Variants in ARHGEF10L observed in about 807,000 individuals in gnomAD.
ARHGEF10L encodes the protein Rho guanine nucleotide exchange factor 10 like.
A neutral mutation model predicts 141.2 loss-of-function variants in ARHGEF10L; 69 were observed. The ratio of observed to expected loss-of-function variants is 0.49; its 90% confidence interval spans 0.40 to 0.60. The LOEUF (loss-of-function observed/expected upper bound fraction) is 0.60. Among genes scored for constraint, ARHGEF10L ranks in the 20% least tolerant of loss-of-function variants. The probability of loss-of-function intolerance (pLI) is 0.00; values close to 1 mark genes in which losing one functional copy is unlikely to be tolerated. For synonymous variants in ARHGEF10L, 711 were observed against 718.5 expected (o/e 0.99, Z 0.17); for missense variants, 1,482 against 1,734.3 (o/e 0.85, Z 2.58).
chr1:17,646,997 A>T (rs1034938504), intron 21 of ARHGEF10L, among the ~76,000 whole-genome samples: 1 of 151,834 alleles, frequency 6.6e-6, no homozygotes, highest in Non-Finnish European at 1.5e-5. Flanking sequence ...CTGGCTGCCG[A>T]GCAAAGATGA....
intron 1 of ARHGEF10L, among the ~76,000 whole-genome samples, chr1:17,564,341 G>A (rs2077663668): frequency 6.6e-6 from 1 of 152,210 alleles, no homozygotes; most frequent in Non-Finnish European, 1.5e-5. Context: ...TGCTTTGAGA[G>A]GCTCTGTTAG....
At chr1:17,650,089 G>T (rs2061828399) in intron 22 of ARHGEF10L, among the ~76,000 whole-genome samples, 1 of 152,106 alleles carries the variant, frequency 6.6e-6, no homozygotes, top group Non-Finnish European at 1.5e-5. Flanking sequence ...CCTTCTGGCT[G>T]GTGTGTGAGA....
intron 26 of ARHGEF10L, among the ~76,000 whole-genome samples, chr1:17,670,533 T>C (rs935037503): frequency 2.6e-5 from 4 of 152,208 alleles, no homozygotes; most frequent in African/African-American, 9.6e-5. Context: ...AAAAAACTTA[T>C]TGGGAACAGG....
intron 4 of ARHGEF10L, among the ~76,000 whole-genome samples, chr1:17,590,174 C>A (rs889145360): frequency 6.6e-6 from 1 of 152,162 alleles, no homozygotes; most frequent in African/African-American, 2.4e-5. Flanking sequence ...AGGCGCTGGG[C>A]CACCGTGCTT....
chr1:17,550,944 C>A (rs1228304147), intron 1 of ARHGEF10L, among the ~76,000 whole-genome samples: 1 of 151,938 alleles, frequency 6.6e-6, no homozygotes, highest in African/African-American at 2.4e-5. Flanking sequence ...GAGGATCGGC[C>A]CCTGGTCCTC....
intron 4 of ARHGEF10L, among the ~76,000 whole-genome samples, chr1:17,588,929 G>T (rs866008467): frequency 7.3e-6 from 1 of 136,122 alleles, no homozygotes; most frequent in African/African-American, 2.7e-5. Context: ...GTTTGAGGGT[G>T]GGGGGGGTGC....
chr1:17,681,780 G>A (rs543335573), intron 26 of ARHGEF10L, among the ~76,000 whole-genome samples: 2 of 152,244 alleles, frequency 1.3e-5, no homozygotes, highest in African/African-American at 4.8e-5. Context: ...GTCACCTTTG[G>A]GTGATTCTTG....
In ARHGEF10L at chr1:17,656,210, T is replaced by G; in HGVS notation, c.2705+108T>G. 1 of 1,296,168 alleles carries G rather than the reference T, an allele frequency of 7.7e-7. No homozygotes were observed. Among genetic ancestry groups the G allele is most frequent in the Non-Finnish European group, 1.1e-6 (1 of 943,044 alleles). The allele number at this position is 1,296,168 out of a possible 1,614,324, so 80.3% of individuals were successfully genotyped here. On this transcript the variant is annotated intron_variant, in intron 24 of 28. Transcript: ENST00000361221. The surrounding 1 kb of genome is among the most constrained non-coding windows in gnomAD (Gnocchi z 4.9). ...CTGCCTGTTGCCCACCAACATTCTC[T>G]GCCCCTGGTCTCCAGGAAGGTGGGC...
rs34766409 is a variant in ARHGEF10L at position 17,552,571 on chromosome 1, GTTTTTTTTTTTTTTTT to G, written c.-44+12638_-44+12653del. 6.0e-4 allele frequency among the ~76,000 whole-genome samples: 27 copies of G among 44,932 alleles called. 1 individual carries two copies. Among genetic ancestry groups the G allele is most frequent in the African/African-American group, 2.8e-3 (24 of 8,572 alleles). The allele number at this position is 44,932 out of a possible 152,430, so 29.5% of individuals were successfully genotyped here. A position where few individuals can be genotyped will look rare whatever the true frequency, so the allele number is the denominator to read the frequency against. On this transcript the variant is annotated intron_variant, in intron 1 of 28. Transcript: ENST00000361221. ...ATGCTACCACAGCTGGCTAATTTTC[GTTTTTTTTTTTTTTTT>G]TTTTTTTTTTTTTTTTAGTAGATAC...
chr1:17,517,083 T>C, the ARHGEF10L span, among the ~76,000 whole-genome samples: 1 of 152,156 alleles, frequency 6.6e-6, no homozygotes, highest in East Asian at 1.9e-4. Flanking sequence ...CAACCAGGCA[T>C]GTGTTTACTC....
Position 17,592,441 on chromosome 1 carries a change from T to C in ARHGEF10L, c.257+3962T>C, listed in dbSNP as rs369173673. 5.3e-5 allele frequency among the ~76,000 whole-genome samples: 8 copies of C among 152,166 alleles called. 1 individual carries two copies. The highest frequency in any genetic ancestry group is 2.9e-5 in the Non-Finnish European group (2 of 67,994). ...ACTGCCTGTTGGCTAGTGTCTCTCA[T>C]TGGGGCCTGGAGCCAGGGGAAGTGA... is the stretch of plus-strand genomic sequence containing the variant. On this transcript the variant is annotated intron_variant, in intron 4 of 28. Transcript: ENST00000361221.
In ARHGEF10L at chr1:17,627,476, C is replaced by T. The variant is rs765571929; in HGVS notation, c.1557C>T (p.Ser519=). 3.2e-5 allele frequency: 52 copies of T among 1,612,366 alleles called. No homozygotes were observed. Among genetic ancestry groups the T allele is most frequent in the Non-Finnish European group, 4.2e-5 (49 of 1,179,996 alleles). The change falls in exon 15 of 29, where the codon AGC becomes AGT. Residue 519 remains serine, a synonymous_variant. Transcript: ENST00000361221. This position sits in a 1 kb window ranked among gnomAD's most constrained non-coding sequence, Gnocchi z 4.0. ...QVAEIQQLTK[S]VSDRSSLNKL... is the part of the protein sequence containing the mutation. The stretch of plus-strand genomic sequence containing the variant: ...CTGAGATCCAGCAGCTGACCAAGAG[C>T]GTCAGTGACCGCAGCAGCCTCAACA...
At chr1:17,675,523 ATG>A in intron 26 of ARHGEF10L, among the ~76,000 whole-genome samples, 1 of 146,682 alleles carries the variant, frequency 6.8e-6, no homozygotes, top group East Asian at 2.1e-4. Flanking sequence ...GTTTGTGTGC[ATG>A]TGTGGGTGCA....
chr1:17,676,231 T>G (rs1303136992), intron 26 of ARHGEF10L, among the ~76,000 whole-genome samples: 3 of 144,006 alleles, frequency 2.1e-5, no homozygotes, highest in African/African-American at 7.9e-5. Context: ...CAGGTGTATG[T>G]TCATGTGTGG....
intron 1 of ARHGEF10L, among the ~76,000 whole-genome samples, chr1:17,549,344 G>A (rs181776516): frequency 2.0e-4 from 30 of 152,206 alleles, no homozygotes; most frequent in Admixed American, 1.9e-3. Flanking sequence ...ATATGATGGT[G>A]GAGGAGACAA....
chr1:17,630,877 C>T (rs565150038), intron 15 of ARHGEF10L, among the ~76,000 whole-genome samples: 11 of 152,164 alleles, frequency 7.2e-5, no homozygotes, highest in Non-Finnish European at 1.5e-4. Flanking sequence ...CGAGGAGGCT[C>T]GGGGTGATCT....
At position 17,558,188 on chromosome 1, in the gene ARHGEF10L, C is replaced by CCCAT. The variant is rs765339083; in HGVS notation, c.-44+18261_-44+18264dup. 3.1e-3 allele frequency among the ~76,000 whole-genome samples: 465 copies of CCCAT among 151,656 alleles called. 1 individual carries two copies. The highest frequency in any genetic ancestry group is 4.1e-3 in the Non-Finnish European group (281 of 67,844). On this transcript the variant is annotated intron_variant, in intron 1 of 28. Transcript: ENST00000361221. This position sits in a 1 kb window ranked among gnomAD's most constrained non-coding sequence, Gnocchi z 4.2. Reference sequence around the variant, plus strand: ...ATCTATGCATCCATCCATCCATCCACCCATCCATCCATCCATCCATCCATC... The same window carrying CCCAT: ...ATCTATGCATCCATCCATCCATCCACCCATCCATCCATCCATCCATCCATCCATC...
intron 18 of ARHGEF10L, among the ~76,000 whole-genome samples, chr1:17,635,895 G>A (rs189105403): frequency 3.0e-4 from 45 of 152,318 alleles, no homozygotes; most frequent in African/African-American, 1.1e-3. Context: ...TTCCCCCTCT[G>A]TCTGCTGTCT....
intron 1 of ARHGEF10L, among the ~76,000 whole-genome samples, chr1:17,547,226 C>T (rs1025564283): frequency 3.3e-5 from 5 of 152,266 alleles, no homozygotes; most frequent in African/African-American, 1.2e-4. Flanking sequence ...CATCTTCCCA[C>T]TGGCCTGTTG....
Sources: gnomAD v4.1 joint callset for allele counts (sites outside exome capture counted in the v4.1 genomes callset) on GRCh38, gnomAD v4.1.1 for gene constraint, Gnocchi (gnomAD v3.1) non-coding constraint, MANE v1.5 for transcripts, NCBI Gene and HGNC (gene_info 2026-07-23, HGNC 2026-07-21) for gene names.